Variants in GRM1 observed in about 807,000 individuals in gnomAD.
GRM1 encodes the protein glutamate metabotropic receptor 1.
Under a neutral mutation model 90.9 loss-of-function variants are expected in GRM1, and 33 were observed. The ratio of observed to expected loss-of-function variants is 0.36; its 90% CI spans 0.28 to 0.49. The LOEUF (loss-of-function observed/expected upper bound fraction) is 0.49, where lower values mean the gene tolerates loss of function less well. GRM1 is among the 20% of genes least tolerant of loss of function. The probability of loss-of-function intolerance (pLI) is 0.99; values close to 1 mark genes in which losing one functional copy is unlikely to be tolerated. For missense variants in GRM1, 1,190 were observed against 1,534.3 expected (o/e 0.78, Z 3.75); for synonymous variants, 700 against 613.2 (o/e 1.14, Z -2.09).
At chr6:146,291,736 T>C (rs767013700) in intron 2 of GRM1, among the ~76,000 whole-genome samples, 58 of 152,138 alleles carry the variant, frequency 3.8e-4, no homozygotes, top group Admixed American at 5.9e-4. Flanking sequence ...ATGATAAAAC[T>C]ATCTAAACAA....
chr6:146,433,872 T>C lies in GRM1; in HGVS notation c.2661T>C (p.Asn887=). The C allele has an allele frequency of 1.2e-6, 2 of 1,602,350 alleles. No individual in the cohort carries two copies. The highest frequency in any genetic ancestry group is 1.7e-5 in the Admixed American group (1 of 59,994). ...AAATCCATCTCTATTTTATTCATAG[T>C]TCTAATGGCAAGTCTGTGTCATGGT... The part of the protein sequence containing the change: ...RRKKAGAGNA[N]SNGKSVSWSE... The change falls in exon 8 of 8, where the codon AAT becomes AAC. Residue 887 remains asparagine, a splice_region_variant and synonymous_variant. Coordinates refer to ENST00000282753, the MANE Select transcript of GRM1 (RefSeq NM_001278064.2).
At chr6:146,286,999 T>C (rs1583276710) in intron 2 of GRM1, among the ~76,000 whole-genome samples, 1 of 152,294 alleles carries the variant, frequency 6.6e-6, no homozygotes, top group East Asian at 1.9e-4. Context: ...CAATGATTCT[T>C]TATTTTTGAT....
At chr6:146,426,565 G>A in intron 7 of GRM1, 1 of 1,612,350 alleles carries the variant, frequency 6.2e-7, no homozygotes, top group South Asian at 1.1e-5. Context: ...TCAGGAAGAG[G>A]CAGCCAGAAT....
At position 146,387,042 on chromosome 6, in the gene GRM1, T is replaced by C. The variant is rs755876624; in HGVS notation, c.1729+26T>C. The C allele has an allele frequency of 3.1e-6, 5 of 1,609,966 alleles. No homozygotes were observed. The African/African-American group carries it at 6.7e-5, about 21-fold the overall frequency. ...GTAGGAACTGCCTCACTTGGAAACC[T>C]TGTGCCTCACTATTTGCCTTTCCAA... is the stretch of plus-strand genomic sequence containing the variant. On this transcript the variant is annotated intron_variant, in intron 6 of 7. Coordinates refer to ENST00000282753, the MANE Select transcript of GRM1 (RefSeq NM_001278064.2).
chr6:146,141,695 C>G (rs1776886350), intron 1 of GRM1, among the ~76,000 whole-genome samples: 1 of 152,100 alleles, frequency 6.6e-6, no homozygotes, highest in Non-Finnish European at 1.5e-5. Context: ...TTTGGCATGT[C>G]AATTGTGTTT....
intron 3 of GRM1, among the ~76,000 whole-genome samples, chr6:146,319,235 A>G (rs927281134): frequency 6.6e-6 from 1 of 152,168 alleles, no homozygotes; most frequent in African/African-American, 2.4e-5. Flanking sequence ...TCCTTTCCCC[A>G]TTGCATGTTT....
At chr6:146,106,024 T>A (rs1777215064) in intron 1 of GRM1, among the ~76,000 whole-genome samples, 1 of 152,204 alleles carries the variant, frequency 6.6e-6, no homozygotes. Context: ...TCTAGGGCAT[T>A]GTTATAATAG....
At chr6:146,181,936 C>A (rs1371115706) in intron 2 of GRM1, among the ~76,000 whole-genome samples, 1 of 151,884 alleles carries the variant, frequency 6.6e-6, no homozygotes, top group African/African-American at 2.4e-5. Context: ...GAACACACAG[C>A]AGTGGAATTT....
intron 2 of GRM1, among the ~76,000 whole-genome samples, chr6:146,271,565 A>G (rs1782165057): frequency 6.6e-6 from 1 of 152,174 alleles, no homozygotes; most frequent in African/African-American, 2.4e-5. Flanking sequence ...TGGTCTTTTG[A>G]ACATTTACCT....
intron 2 of GRM1, among the ~76,000 whole-genome samples, chr6:146,238,197 G>T (rs544706362): frequency 6.6e-6 from 1 of 152,050 alleles, no homozygotes; most frequent in African/African-American, 2.4e-5. Flanking sequence ...CTATCATTTG[G>T]TTTTACTAAT....
chr6:146,169,717 T>C (rs1235698405), intron 2 of GRM1, among the ~76,000 whole-genome samples: 1 of 152,194 alleles, frequency 6.6e-6, no homozygotes, highest in Non-Finnish European at 1.5e-5. Flanking sequence ...GGCAATTTGG[T>C]TCATCTCTTT....
At chr6:146,199,130 G>A (rs1208244250) in intron 2 of GRM1, among the ~76,000 whole-genome samples, 1 of 152,174 alleles carries the variant, frequency 6.6e-6, no homozygotes, top group African/African-American at 2.4e-5. Context: ...TGTGATACTA[G>A]TGTCCCTCTC....
chr6:146,273,122 G>A (rs1273905516), intron 2 of GRM1, among the ~76,000 whole-genome samples: 1 of 152,196 alleles, frequency 6.6e-6, no homozygotes, highest in Non-Finnish European at 1.5e-5. Context: ...AGATATTCTT[G>A]TGCCAAATAT....
chr6:146,365,902 G>A (rs1775668529), intron 5 of GRM1, among the ~76,000 whole-genome samples: 1 of 152,134 alleles, frequency 6.6e-6, no homozygotes, highest in African/African-American at 2.4e-5. Context: ...GCTGGGTGAG[G>A]ACTTGCACGT....
intron 1 of GRM1, among the ~76,000 whole-genome samples, chr6:146,138,864 A>G (rs1042170320): frequency 2.0e-5 from 3 of 150,326 alleles, no homozygotes; most frequent in Non-Finnish European, 4.4e-5. Flanking sequence ...TTCTTCTACT[A>G]ATTTGCGGTT....
intron 2 of GRM1, among the ~76,000 whole-genome samples, chr6:146,179,560 C>G (rs1249314412): frequency 1.3e-5 from 2 of 152,192 alleles, no homozygotes; most frequent in African/African-American, 4.8e-5. Context: ...GTCGCCCAGG[C>G]GGGAGTGCAG....
Position 146,435,190 on chromosome 6 carries a change from C to T in GRM1, c.*394C>T, listed in dbSNP as rs1440830161. 1 of 346,732 alleles carries T rather than the reference C, an allele frequency of 2.9e-6. No individual in the cohort carries two copies. Among genetic ancestry groups the T allele is most frequent in the African/African-American group, 2.1e-5 (1 of 46,870 alleles). 21.5% of individuals were successfully genotyped at this position (346,732 alleles called of 1,614,324 possible). A position where few individuals can be genotyped will look rare whatever the true frequency, so the allele number is the denominator to read the frequency against. ...ACACTGGGCCATGCTTGCCAAGGAA[C>T]AGCCCACGTGGACATGCCAGTCGGA... On this transcript the variant is annotated 3_prime_UTR_variant, in exon 8 of 8. Coordinates refer to ENST00000282753, the MANE Select transcript of GRM1 (RefSeq NM_001278064.2).
Position 146,058,121 on chromosome 6 carries a change from A to G in GRM1, c.700+27904A>G, listed in dbSNP as rs187311653. On this transcript the variant is annotated intron_variant, in intron 1 of 7. Transcript: ENST00000282753. ...ATTGAGGACTTCGGGTGATTGTAAC[A>G]TCACATACAGAATTATGTAGATAAC... Among the ~76,000 whole-genome samples, 319 of 152,230 alleles carry G rather than the reference A, an allele frequency of 2.1e-3. 2 individuals are homozygous for G. The highest frequency in any genetic ancestry group is 6.8e-3 in the Middle Eastern group (2 of 294).
intron 3 of GRM1, among the ~76,000 whole-genome samples, chr6:146,313,146 C>T (rs1783834247): frequency 6.6e-6 from 1 of 152,116 alleles, no homozygotes; most frequent in Admixed American, 6.5e-5. Context: ...CTAATGGCAT[C>T]GAGAGAGTAA....
Sources: allele counts gnomAD v4.1 joint callset (sites outside exome capture counted in the v4.1 genomes callset), GRCh38; gene constraint gnomAD v4.1.1; transcripts MANE v1.5; gene names NCBI Gene and HGNC (gene_info 2026-07-23, HGNC 2026-07-21).